Variants in ABCB8 observed in about 807,000 individuals in gnomAD.
ABCB8 encodes the protein ATP binding cassette subfamily B member 8.
In ABCB8, 52 loss-of-function variants were observed where a neutral mutation model predicts 73.0. The observed-to-expected ratio is 0.71, with a 90% CI of 0.57 to 0.90. The LOEUF (loss-of-function observed/expected upper bound fraction) is 0.90, where lower values mean the gene tolerates loss of function less well. Among genes scored for constraint, ABCB8 ranks in the 40% least tolerant of loss-of-function variants. The probability of loss-of-function intolerance (pLI) is 0.00; values close to 1 mark genes in which losing one functional copy is unlikely to be tolerated. For synonymous variants in ABCB8, 428 were observed against 423.5 expected (o/e 1.01, Z -0.13); for missense variants, 909 against 974.6 (o/e 0.93, Z 0.90).
intron 1 of ABCB8, chr7:151,028,994 C>T (rs1796061692): frequency 1.6e-6 from 2 of 1,219,414 alleles, no homozygotes; most frequent in Non-Finnish European, 2.1e-6. Flanking sequence ...CAAAGTGAGT[C>T]GAAGAAGAAC....
At position 151,028,514 on chromosome 7, in the gene ABCB8, G is replaced by A. The variant is rs576242500; in HGVS notation, c.-2G>A. On this transcript the variant is annotated 5_prime_UTR_variant, in exon 1 of 16. Transcript: ENST00000358849. ...CGGCGGCTCCTGTTTTACCGCGTCA[G>A]CATGCTGGTGCATTTATTTCGGGTC... is the stretch of plus-strand genomic sequence containing the variant. 6.2e-7 allele frequency: 1 copy of A among 1,612,888 alleles called. No homozygotes were observed. Among genetic ancestry groups the A allele is most frequent in the Admixed American group, 1.7e-5 (1 of 59,844 alleles).
intron 14 of ABCB8, among the ~76,000 whole-genome samples, chr7:151,042,701 C>T (rs907396859): frequency 7.2e-5 from 11 of 152,218 alleles, no homozygotes; most frequent in African/African-American, 2.7e-4. Context: ...GCCTTCGGGG[C>T]CATGTTTCTC....
At chr7:151,036,875 T>A in intron 9 of ABCB8, 1 of 756,270 alleles carries the variant, frequency 1.3e-6, no homozygotes, top group Non-Finnish European at 2.4e-6. Flanking sequence ...GTGCTTGTCA[T>A]CTTCAGCCTT....
At chr7:151,033,501 A>T in intron 1 of ABCB8, 104 bp from the exon 2 acceptor site, 1 of 1,484,352 alleles carries the variant, frequency 6.7e-7, no homozygotes, top group Non-Finnish European at 8.9e-7. Context: ...CTGACAGAAG[A>T]GGAAGTGCTC....
At chr7:151,042,813 C>T (rs1796504401) in intron 14 of ABCB8, among the ~76,000 whole-genome samples, 1 of 152,236 alleles carries the variant, frequency 6.6e-6, no homozygotes, top group South Asian at 2.1e-4. Context: ...GCCTTCTGAG[C>T]TGTGGGGCCA....
rs562893876 is a variant in ABCB8 at position 151,045,304 on chromosome 7, G to T, written c.2112G>T (p.Pro704=). 6.3e-7 allele frequency: 1 copy of T among 1,597,422 alleles called. No homozygotes were observed. The highest frequency in any genetic ancestry group is 2.3e-5 in the East Asian group (1 of 42,966). ...ATGCCCCGAGGACAGCGGCCCCACCGCCCAAAAAGCCAGAAGGCCCCAGGA... is the reference window on the plus strand; with the variant it reads ...ATGCCCCGAGGACAGCGGCCCCACCTCCCAAAAAGCCAGAAGGCCCCAGGA... ...ALDAPRTAAP[P]PKKPEGPRSH... is the part of the protein sequence containing the mutation. Residue 704 remains proline, a synonymous_variant, in exon 16 of 16, where the codon CCG becomes CCT. Transcript: ENST00000358849.
In ABCB8 at chr7:151,044,018, A is replaced by G. The variant is rs972114991; in HGVS notation, c.1813A>G (p.Ile605Val). 3 of 1,613,006 alleles carry G rather than the reference A, an allele frequency of 1.9e-6. No individual in the cohort carries two copies. The highest frequency in any genetic ancestry group is 2.2e-5 in the South Asian group (2 of 91,046). Residue 605 changes from isoleucine (I) to valine (V), a missense_variant, in exon 15 of 16, where the codon ATC becomes GTC. Ile to Val is a conservative substitution (Grantham distance 29). Coordinates refer to ENST00000358849, the MANE Select transcript of ABCB8 (RefSeq NM_007188.5). ...TGGGGGCCAGAAGCAGCGCCTGGCC[A>G]TCGCCCGAGCCCTTATCAAGCAGCC... ...LSGGQKQRLAIARALIKQPTV... is the reference protein window; with the variant it reads ...LSGGQKQRLAVARALIKQPTV...
At chr7:151,035,491 G>A (rs1357776263) in intron 5 of ABCB8, 90 bp from the exon 6 acceptor site, 3 of 1,446,004 alleles carry the variant, frequency 2.1e-6, no homozygotes, top group South Asian at 1.3e-5. Context: ...GGCCGTGGGA[G>A]TGCAGAGCTA....
At position 151,035,726 on chromosome 7, in the gene ABCB8, G is replaced by T. The variant is rs758830222; in HGVS notation, c.911G>T (p.Arg304Leu). 6 of 1,613,056 alleles carry T rather than the reference G, an allele frequency of 3.7e-6. No homozygotes were observed. Among genetic ancestry groups the T allele is most frequent in the Middle Eastern group, 1.6e-4 (1 of 6,082 alleles). Residue 304 changes from arginine (R) to leucine (L), a missense_variant, in exon 6 of 16, where the codon CGC (arginine) becomes CTC (leucine). Physicochemically the swap from Arg to Leu is moderately radical, Grantham distance 102. Transcript: ENST00000358849. ...GGCTCAGGCCTCCGAAAATTGTCTC[G>T]CCAGTGTCAGGAGCAGGTACCGGCA... ...LMGSGLRKLSRQCQEQIARAM... is the reference protein window; with the variant it reads ...LMGSGLRKLSLQCQEQIARAM...
rs780585153 is a variant in ABCB8, at chr7:151,036,591, C to A, written c.1159C>A (p.Gln387Lys). Reference protein sequence around the residue: ...LFIGGSLVAGQQLTGGDLMSF... With the variant: ...LFIGGSLVAGKQLTGGDLMSF... ...TATTGGGGGCTCCCTTGTGGCCGGA[C>A]AGCAGCTGACAGGGGGAGACCTCAT... is the stretch of plus-strand genomic sequence containing the variant. The change falls in exon 9 of 16, where the codon CAG becomes AAG. Residue 387 changes from glutamine (Q) to lysine (K), a missense_variant. Transcript: ENST00000358849. 33 of 1,613,696 alleles carry A rather than the reference C, an allele frequency of 2.0e-5. No individual in the cohort carries two copies. The highest frequency in any genetic ancestry group is 2.5e-5 in the Non-Finnish European group (30 of 1,179,854).
intron 1 of ABCB8, chr7:151,029,481 TTC>T (rs1796086215): frequency 9.8e-6 from 1 of 101,914 alleles, no homozygotes; most frequent in Non-Finnish European, 2.0e-5. Context: ...TCCTTTTTTT[TTC>T]TTTTCTTTTC....
At chr7:151,033,044 A>AT (rs749844091) in intron 1 of ABCB8, 10 of 456,348 alleles carry the variant, frequency 2.2e-5, no homozygotes, top group South Asian at 1.4e-4. Context: ...GCTCCACATG[A>AT]TTTTTTTCAT....
chr7:151,028,946 T>C (rs1279750834), intron 1 of ABCB8: 1 of 1,314,378 alleles, frequency 7.6e-7, no homozygotes, highest in African/African-American at 1.5e-5. Flanking sequence ...TTCTTATTAG[T>C]ATGAAGAGAC....
At chr7:151,037,101 C>T in intron 9 of ABCB8, 1 of 700,752 alleles carries the variant, frequency 1.4e-6, no homozygotes, top group East Asian at 2.7e-5. Flanking sequence ...TGGGAATCCC[C>T]ATTTGCCCTC....
rs1295657430 is a variant in ABCB8, at chr7:151,034,370, G to A, written c.506G>A (p.Ser169Asn). Residue 169 changes from serine (S) to asparagine (N), a missense_variant, in exon 3 of 16, where the codon AGT becomes AAT. Ser to Asn is a conservative substitution (Grantham distance 46). Transcript: ENST00000358849. ...AAGTACACAAGGGACCACGTAGGGA[G>A]TTTCATGACTGAGTCCCAGAATCTC... ...VAKYTRDHVG[S>N]FMTESQNLST... 1.9e-6 allele frequency: 3 copies of A among 1,613,908 alleles called. No homozygotes were observed. Among genetic ancestry groups the A allele is most frequent in the Admixed American group, 3.3e-5 (2 of 60,000 alleles).
At position 151,043,991 on chromosome 7, in the gene ABCB8, T is replaced by C; in HGVS notation, c.1786T>C (p.Ser596Pro). 1.9e-6 allele frequency: 3 copies of C among 1,612,616 alleles called. No homozygotes were observed. The highest frequency in any genetic ancestry group is 2.5e-6 in the Non-Finnish European group (3 of 1,179,696). The change falls in exon 15 of 16, where the codon TCT becomes CCT. Residue 596 changes from serine to proline, a missense_variant. Coordinates refer to ENST00000358849, the MANE Select transcript of ABCB8 (RefSeq NM_007188.5). ...TVVGERGTTL[S>P]GGQKQRLAIA... ...CCCAGGTGAACGGGGCACTACCCTGTCTGGGGGCCAGAAGCAGCGCCTGGC... is the reference window on the plus strand; with the variant it reads ...CCCAGGTGAACGGGGCACTACCCTGCCTGGGGGCCAGAAGCAGCGCCTGGC...
rs774836585 is a variant in ABCB8 at position 151,044,204 on chromosome 7, G to A, written c.1999G>A (p.Asp667Asn). ...GGCCCACTGCATTGTCGTCATGGCC[G>A]ATGGCCGTGTCTGGGAGGTTAGTTG... Reference protein sequence around the residue: ...RGAHCIVVMADGRVWEAGTHE... With the variant: ...RGAHCIVVMANGRVWEAGTHE... The change falls in exon 15 of 16, where the codon GAT becomes AAT. Residue 667 changes from aspartate (D) to asparagine (N), a missense_variant. By Grantham distance (23) the Asp-to-Asn change is conservative (BLOSUM62 1). Transcript: ENST00000358849. The A allele has an allele frequency of 1.6e-5, 26 of 1,600,082 alleles. No homozygotes were observed. The highest frequency in any genetic ancestry group is 2.7e-5 in the African/African-American group (2 of 74,770).
At chr7:151,033,982 A>G in intron 2 of ABCB8, 65 bp downstream of exon 2, 2 of 1,494,808 alleles carry the variant, frequency 1.3e-6, no homozygotes, top group Non-Finnish European at 1.8e-6. Context: ...AAGGGATGGC[A>G]TTCCTGCCTC....
At chr7:151,033,176 C>T (rs916925492) in intron 1 of ABCB8, 4 of 444,546 alleles carry the variant, frequency 9.0e-6, no homozygotes, top group African/African-American at 4.0e-5. Context: ...AGTCCAGTGC[C>T]GGGCACAGGA....
Sources: allele counts gnomAD v4.1 joint callset (sites outside exome capture counted in the v4.1 genomes callset), GRCh38; gene constraint gnomAD v4.1.1; transcripts MANE v1.5; gene names NCBI Gene and HGNC (gene_info 2026-07-23, HGNC 2026-07-21).